The following DDX27 variants were observed in gnomAD, a reference collection of about 807,000 sequenced individuals.
The protein encoded by DDX27 is DEAD-box helicase 27.
In DDX27, 42 loss-of-function variants were observed where a neutral mutation model predicts 99.3. That is an observed-to-expected ratio of 0.42 (90% CI 0.33 to 0.55). DDX27 has a LOEUF of 0.55. Among genes scored for constraint, DDX27 ranks in the 20% least tolerant of loss-of-function variants. The probability of loss-of-function intolerance (pLI) is 0.07; values close to 1 mark genes in which losing one functional copy is unlikely to be tolerated. For synonymous variants in DDX27, 329 were observed against 353.8 expected, an observed-to-expected ratio of 0.93 and a Z score of 0.79; for missense variants, 798 against 976.8, an observed-to-expected ratio of 0.82 and a Z score of 2.44.
At position 49,228,895 on chromosome 20, in the gene DDX27, T is replaced by C; in HGVS notation, c.880+7T>C. On this transcript the variant is annotated splice_region_variant and intron_variant, in intron 8 of 20. Coordinates refer to ENST00000618172, the MANE Select transcript of DDX27 (RefSeq NM_017895.8). ...ACCACCTGCCTGGCTGTGGGTGAGT[T>C]TCTGGCCAAGGGCTGCCAGCCCCTG... 1 of 1,581,094 alleles carries C rather than the reference T, an allele frequency of 6.3e-7. No homozygotes were observed. Among genetic ancestry groups the C allele is most frequent in the Non-Finnish European group, 8.6e-7 (1 of 1,158,148 alleles).
chr20:49,223,000 A>G lies in DDX27; in HGVS notation c.284A>G (p.Lys95Arg). The G allele has an allele frequency of 3.7e-6, 6 of 1,613,514 alleles. No homozygotes were observed. The highest frequency in any genetic ancestry group is 5.1e-6 in the Non-Finnish European group (6 of 1,179,724). The change falls in exon 3 of 21, where the codon AAG becomes AGG. Residue 95 changes from lysine to arginine, a missense_variant. Physicochemically the swap from Lys to Arg is conservative, Grantham distance 26. Transcript: ENST00000618172. ...GATGAGAAGATTGAGAAAGTTCGAA[A>G]GAAAAGGAAAACAGAGGTGAGAAGA... ...TLDEKIEKVR[K>R]KRKTEDKEAK...
chr20:49,225,409 T>G (rs912464953), intron 6 of DDX27, among the ~76,000 whole-genome samples: 2 of 151,932 alleles, frequency 1.3e-5, no homozygotes, highest in Non-Finnish European at 2.9e-5. Context: ...TGCTTCTCTC[T>G]TTGCCTCCCT....
intron 4 of DDX27, among the ~76,000 whole-genome samples, chr20:49,224,276 C>T (rs1197984655): frequency 6.6e-6 from 1 of 152,062 alleles, no homozygotes; most frequent in Non-Finnish European, 1.5e-5. Flanking sequence ...ATGCGGCTGC[C>T]AGATGCCACT....
At chr20:49,220,166 T>C (rs1343284171) in intron 1 of DDX27, among the ~76,000 whole-genome samples, 1 of 152,152 alleles carries the variant, frequency 6.6e-6, no homozygotes, top group Non-Finnish European at 1.5e-5. Context: ...CCTCTACAAA[T>C]TCAACTCCTC....
At chr20:49,240,794 G>A (rs117424602) in intron 16 of DDX27, among the ~76,000 whole-genome samples, 2,328 of 152,064 alleles carry the variant, frequency 0.015, 60 homozygotes, top group South Asian at 0.071. Context: ...GGGACATTGA[G>A]GTTGTTTACA....
intron 9 of DDX27, among the ~76,000 whole-genome samples, chr20:49,231,281 C>T (rs1980101546): frequency 6.6e-6 from 1 of 152,172 alleles, no homozygotes; most frequent in Non-Finnish European, 1.5e-5. Context: ...GGGGCTACTG[C>T]TATACTCCCA....
At chr20:49,225,066 G>A in intron 5 of DDX27, 47 bp from the exon 6 acceptor site, 1 of 1,611,376 alleles carries the variant, frequency 6.2e-7, no homozygotes. Flanking sequence ...TGGGTTTCTT[G>A]GCTCTTTTTG....
At position 49,227,140 on chromosome 20, in the gene DDX27, G is replaced by A. The variant is rs895425825; in HGVS notation, c.706+605G>A. ...GCCTCCCAAAGTGCTGGGATTACAG[G>A]CGTGAGCCACCGCGCCCGGCCGAGA... On this transcript the variant is annotated intron_variant, in intron 7 of 20. Transcript: ENST00000618172. 2.0e-5 allele frequency among the ~76,000 whole-genome samples: 3 copies of A among 152,040 alleles called. No individual in the cohort carries two copies. The East Asian group carries it at 5.8e-4, about 29-fold the overall frequency.
chr20:49,239,691 A>C (rs748398952), intron 16 of DDX27, among the ~76,000 whole-genome samples: 2 of 115,356 alleles, frequency 1.7e-5, no homozygotes, highest in African/African-American at 2.9e-5. Context: ...CATGGACTGG[A>C]ACCGGTATGC....
intron 9 of DDX27, among the ~76,000 whole-genome samples, chr20:49,230,567 G>A (rs2146712939): frequency 6.6e-6 from 1 of 152,314 alleles, no homozygotes; most frequent in African/African-American, 2.4e-5. Flanking sequence ...GATAAGGCTG[G>A]TCAAATGTTG....
At chr20:49,241,218 C>G (rs937802111) in intron 16 of DDX27, among the ~76,000 whole-genome samples, 3 of 152,112 alleles carry the variant, frequency 2.0e-5, no homozygotes, top group African/African-American at 7.2e-5. Flanking sequence ...AAATTTCCCT[C>G]CTAGAGGGTA....
chr20:49,242,637 A>T lies in DDX27; in HGVS notation c.2160A>T (p.Glu720Asp). Reference sequence around the variant, plus strand: ...GGAAGAAATCTGTATTTGATGAAGAACTCACCAACACAAGCAAGAAGGCCC... The same window carrying T: ...GGAAGAAATCTGTATTTGATGAAGATCTCACCAACACAAGCAAGAAGGCCC... ...KQGKKSVFDE[E>D]LTNTSKKALK... The change falls in exon 19 of 21, where the codon GAA (glutamate) becomes GAT (aspartate). Residue 720 changes from glutamate to aspartate, a missense_variant. Glu to Asp is a conservative substitution (Grantham distance 45). Coordinates refer to ENST00000618172, the MANE Select transcript of DDX27 (RefSeq NM_017895.8). 1 of 1,614,056 alleles carries T rather than the reference A, an allele frequency of 6.2e-7. No individual in the cohort carries two copies. Among genetic ancestry groups the T allele is most frequent in the Non-Finnish European group, 8.5e-7 (1 of 1,180,010 alleles).
chr20:49,220,733 GGTCACACCCATGATGCGGGGTGTGTTT>G (rs1323069575), intron 1 of DDX27, among the ~76,000 whole-genome samples: 30 of 152,254 alleles, frequency 2.0e-4, no homozygotes, highest in Admixed American at 1.2e-3. Context: ...TACAGTGCCC[GGTCACACCCATGATGCGGGGTGTGTTT>G]GTCACACCCA....
At chr20:49,241,401 T>G (rs1397745364) in intron 16 of DDX27, among the ~76,000 whole-genome samples, 1 of 152,106 alleles carries the variant, frequency 6.6e-6, no homozygotes, top group African/African-American at 2.4e-5. Flanking sequence ...TTAAGTGGAT[T>G]GAGAAATAGT....
At chr20:49,226,629 T>C in intron 7 of DDX27, 94 bp downstream of exon 7, 2 of 781,238 alleles carry the variant, frequency 2.6e-6, no homozygotes, top group Non-Finnish European at 4.0e-6. Flanking sequence ...GCTAAATAAA[T>C]ATTCTTGGTT....
intron 18 of DDX27, among the ~76,000 whole-genome samples, 172 bp from the exon 19 acceptor site, chr20:49,242,422 C>T (rs2273147): frequency 0.015 from 2,338 of 152,194 alleles, 60 homozygotes; most frequent in South Asian, 0.071. Context: ...TTTCTGACTC[C>T]GGAGCCTAAG....
Position 49,233,561 on chromosome 20 carries a change from T to G in DDX27, c.1132-7T>G. On this transcript the variant is annotated splice_polypyrimidine_tract_variant and splice_region_variant and intron_variant, in intron 10 of 20. Transcript: ENST00000618172. ...GAGCTGAGGAAACCTGGCTTTGTGCTTGGCAGGTGAAAGATCTGGCTTCTG... is the reference window on the plus strand; with the variant it reads ...GAGCTGAGGAAACCTGGCTTTGTGCGTGGCAGGTGAAAGATCTGGCTTCTG... The G allele has an allele frequency of 6.2e-7, 1 of 1,610,482 alleles. No homozygotes were observed. Among genetic ancestry groups the G allele is most frequent in the Non-Finnish European group, 8.5e-7 (1 of 1,177,120 alleles).
intron 4 of DDX27, among the ~76,000 whole-genome samples, chr20:49,224,314 A>G (rs1430468754): frequency 6.6e-6 from 1 of 150,500 alleles, no homozygotes; most frequent in African/African-American, 2.4e-5. Context: ...GGGGTGACAT[A>G]CTCAGATGGG....
chr20:49,236,368 T>G lies in DDX27; in HGVS notation c.1545T>G (p.His515Gln). Residue 515 changes from histidine to glutamine, a missense_variant, in exon 14 of 21, where the codon CAT (histidine) becomes CAG (glutamine). His to Gln is a conservative substitution (Grantham distance 24, BLOSUM62 0). This residue lies in a region of DDX27 where 553 missense variants were observed against 727.9 expected (regional missense o/e 0.76). Coordinates refer to ENST00000618172, the MANE Select transcript of DDX27 (RefSeq NM_017895.8). This position sits in a 1 kb window ranked among gnomAD's most constrained non-coding sequence, Gnocchi z 4.1. ...TCACAATGCCTAATACCATCAAACA[T>G]TATGTCCACCGGGTGGGGCGAACAG... Reference protein sequence around the residue: ...INFTMPNTIKHYVHRVGRTAR... With the variant: ...INFTMPNTIKQYVHRVGRTAR... The G allele has an allele frequency of 2.5e-6, 4 of 1,606,192 alleles. No homozygotes were observed. The highest frequency in any genetic ancestry group is 3.4e-6 in the Non-Finnish European group (4 of 1,176,056).
Sources: gnomAD v4.1 joint callset for allele counts (sites outside exome capture counted in the v4.1 genomes callset) on GRCh38, gnomAD v4.1.1 for gene constraint, gnomAD v4.1.1 regional missense constraint, Gnocchi (gnomAD v3.1) non-coding constraint, MANE v1.5 for transcripts, NCBI Gene and HGNC (gene_info 2026-07-23, HGNC 2026-07-21) for gene names.